SEC22C: variants seen among roughly 807,000 people sequenced by gnomAD.
SEC22C encodes the protein SEC22 homolog C, vesicle trafficking protein.
In SEC22C, 29 loss-of-function variants were observed where a neutral mutation model predicts 34.7. The observed-to-expected ratio is 0.84, with a 90% confidence interval of 0.62 to 1.14. The LOEUF (loss-of-function observed/expected upper bound fraction) is 1.14, where lower values mean the gene tolerates loss of function less well. Among genes scored for constraint, SEC22C ranks in the 50% most tolerant of loss-of-function variants. SEC22C has a pLI of 0.00. For synonymous variants in SEC22C, 117 were observed against 132.8 expected, an observed-to-expected ratio of 0.88 and a Z score of 0.82; for missense variants, 337 against 369.0, an observed-to-expected ratio of 0.91 and a Z score of 0.71.
intron 1 of SEC22C, among the ~76,000 whole-genome samples, chr3:42,596,061 C>A (rs149156002): frequency 6.6e-6 from 1 of 151,428 alleles, no homozygotes; most frequent in East Asian, 1.9e-4. Context: ...GACGGAATCT[C>A]GCTCTGTCGG....
rs1702568540 is a variant in SEC22C at position 42,556,981 on chromosome 3, C to T, written c.645+597G>A. The stretch of plus-strand genomic sequence containing the variant: ...CATGTGATCCACCCACCTCAACCTC[C>T]CAGAAGTGCTGGAATTACAGGAGTG... On this transcript the variant is annotated intron_variant, in intron 5 of 6. Coordinates refer to ENST00000264454, the MANE Select transcript of SEC22C (RefSeq NM_032970.4). Among the ~76,000 whole-genome samples, 2 of 152,150 alleles carry T rather than the reference C, an allele frequency of 1.3e-5. 1 individual carries two copies. Among genetic ancestry groups the T allele is most frequent in the South Asian group, 4.1e-4 (2 of 4,826 alleles).
chr3:42,581,211 T>C (rs1242805184), intron 1 of SEC22C: 16 of 152,246 alleles, frequency 1.1e-4, no homozygotes, highest in Admixed American at 9.8e-4. Flanking sequence ...TATTACCCTA[T>C]ATGTTGGTTC....
intron 2 of SEC22C, chr3:42,566,791 C>A: frequency 4.9e-6 from 2 of 404,872 alleles, no homozygotes; most frequent in South Asian, 1.8e-5. Context: ...ATCACTTGAG[C>A]CTAGGAGTTT....
chr3:42,567,282 C>T (rs988496377), intron 2 of SEC22C, among the ~76,000 whole-genome samples: 6 of 152,176 alleles, frequency 3.9e-5, no homozygotes, highest in African/African-American at 4.8e-5. Flanking sequence ...AGGTCTAAAA[C>T]GAGAAAATAG....
At chr3:42,581,667 G>A (rs1255986731) in intron 1 of SEC22C, among the ~76,000 whole-genome samples, 179 bp downstream of exon 1, 2 of 152,262 alleles carry the variant, frequency 1.3e-5, no homozygotes, top group Non-Finnish European at 2.9e-5. Context: ...GGAGAAAGGG[G>A]ACAGAGGACT....
intron 1 of SEC22C, chr3:42,591,201 C>CATT: frequency 4.1e-6 from 2 of 487,888 alleles, no homozygotes; most frequent in Non-Finnish European, 7.1e-6. Context: ...CCTTTCTCTC[C>CATT]TTTTTTTTTT....
intron 3 of SEC22C, among the ~76,000 whole-genome samples, chr3:42,562,025 C>CAAATGA (rs1702950085): frequency 6.6e-6 from 1 of 151,892 alleles, no homozygotes; most frequent in Non-Finnish European, 1.5e-5. Flanking sequence ...AAAAAAAATA[C>CAAATGA]AAATGAATAC....
chr3:42,554,640 T>C lies in SEC22C; in HGVS notation c.712-1192A>G, dbSNP rs374732515. Among the ~76,000 whole-genome samples the C allele has an allele frequency of 2.0e-5, 3 of 152,198 alleles. No homozygotes were observed. The South Asian group carries it at 6.2e-4, about 31-fold the overall frequency. ...CAGGCATGAGTCACCACACCTGGCC[T>C]GGGTAATTCTTAAGAATAAACCATT... On this transcript the variant is annotated intron_variant, in intron 6 of 6. Transcript: ENST00000264454.
intron 1 of SEC22C, among the ~76,000 whole-genome samples, chr3:42,590,330 T>C (rs1268796386): frequency 6.6e-6 from 1 of 152,092 alleles, no homozygotes; most frequent in Non-Finnish European, 1.5e-5. Context: ...CCAGACACGC[T>C]GGGTGAAGCC....
intron 4 of SEC22C, among the ~76,000 whole-genome samples, chr3:42,558,154 A>T (rs1213530124): frequency 6.6e-6 from 1 of 152,188 alleles, no homozygotes; most frequent in Non-Finnish European, 1.5e-5. Flanking sequence ...ATAAAGAATT[A>T]TCTGATGCAA....
At position 42,550,865 on chromosome 3, in the gene SEC22C, C is replaced by A. The variant is rs1046143728; in HGVS notation, c.*2383G>T. 3.1e-6 allele frequency: 3 copies of A among 972,040 alleles called. No individual in the cohort carries two copies. Among genetic ancestry groups the A allele is most frequent in the East Asian group, 1.2e-4 (1 of 8,224 alleles). The allele number at this position is 972,040 out of a possible 1,614,324, so 60.2% of individuals were successfully genotyped here. On this transcript the variant is annotated 3_prime_UTR_variant, in exon 7 of 7. Transcript: ENST00000264454. ...CAGTCCATTTTTAAGCCGTTCTTAC[C>A]GACTTTTTTTTTTTTTTTTTTTGAG... is the stretch of plus-strand genomic sequence containing the variant.
chr3:42,548,853 C>T lies in SEC22C; in HGVS notation c.*4395G>A, dbSNP rs1702110670. The T allele has an allele frequency of 2.1e-6, 3 of 1,400,808 alleles. No homozygotes were observed. The highest frequency in any genetic ancestry group is 5.1e-5 in the East Asian group (2 of 39,306). The allele number at this position is 1,400,808 out of a possible 1,614,324, so 86.8% of individuals were successfully genotyped here. A position where few individuals can be genotyped will look rare whatever the true frequency, so the allele number is the denominator to read the frequency against. On this transcript the variant is annotated 3_prime_UTR_variant, in exon 7 of 7. Coordinates refer to ENST00000264454, the MANE Select transcript of SEC22C (RefSeq NM_032970.4). ...GTGCTGCCTGAAGCAGAAAAACCTT[C>T]ATGTACCAGGTGAATGTAAAGCCTT...
Position 42,548,386 on chromosome 3 carries a change from T to G in SEC22C, c.*4862A>C. ...ATGTACTAAGCATGGGTCAGAGGAA[T>G]AGAATGGATTTGTTAATTTTACCCT... On this transcript the variant is annotated 3_prime_UTR_variant, in exon 7 of 7. Coordinates refer to ENST00000264454, the MANE Select transcript of SEC22C (RefSeq NM_032970.4). 1.7e-6 allele frequency: 1 copy of G among 585,758 alleles called. No individual in the cohort carries two copies. Among genetic ancestry groups the G allele is most frequent in the East Asian group, 2.8e-5 (1 of 35,490 alleles). 36.3% of individuals were successfully genotyped at this position (585,758 alleles called of 1,614,324 possible).
At chr3:42,564,041 T>A in intron 2 of SEC22C, 1 of 866,090 alleles carries the variant, frequency 1.2e-6, no homozygotes, top group South Asian at 1.8e-5. Flanking sequence ...TGTTAAATGA[T>A]CCTGGCATCC....
At chr3:42,583,926 C>T (rs1339390687), upstream of SEC22C, among the ~76,000 whole-genome samples, 1 of 152,182 alleles carries the variant, frequency 6.6e-6, no homozygotes, top group South Asian at 2.1e-4. Flanking sequence ...CCCAGGTTCT[C>T]CCGGCTTGGG....
Position 42,549,331 on chromosome 3 carries a change from T to C in SEC22C, c.*3917A>G. 1.0e-6 allele frequency: 1 copy of C among 985,646 alleles called. No homozygotes were observed. Among genetic ancestry groups the C allele is most frequent in the Non-Finnish European group, 1.2e-6 (1 of 830,104 alleles). 61.1% of individuals were successfully genotyped at this position (985,646 alleles called of 1,614,324 possible). On this transcript the variant is annotated 3_prime_UTR_variant, in exon 7 of 7. Coordinates refer to ENST00000264454, the MANE Select transcript of SEC22C (RefSeq NM_032970.4). ...GCAGCAGGTTCTCAGAAGGCCACTG[T>C]CCTGCATGTCACAATGAGTGGCCAA...
intron 4 of SEC22C, among the ~76,000 whole-genome samples, chr3:42,558,540 A>C (rs1269927989): frequency 6.7e-6 from 1 of 149,666 alleles, no homozygotes; most frequent in African/African-American, 2.5e-5. Flanking sequence ...TAATCCCAGC[A>C]CTTTGGGAGG....
chr3:42,585,134 A>C (rs1227915696), upstream of SEC22C, among the ~76,000 whole-genome samples: 1 of 152,130 alleles, frequency 6.6e-6, no homozygotes, highest in Non-Finnish European at 1.5e-5. Flanking sequence ...CATCTCAAAA[A>C]ACAAACAAAA....
intron 1 of SEC22C, among the ~76,000 whole-genome samples, chr3:42,588,726 T>C (rs139592711): frequency 8.5e-5 from 13 of 152,196 alleles, no homozygotes; most frequent in African/African-American, 2.9e-4. Flanking sequence ...GACCATCTCA[T>C]GTTATTGTCA....
Sources: gnomAD v4.1 joint callset for allele counts (sites outside exome capture counted in the v4.1 genomes callset) on GRCh38, gnomAD v4.1.1 for gene constraint, MANE v1.5 for transcripts, NCBI Gene and HGNC (gene_info 2026-07-23, HGNC 2026-07-21) for gene names.